Variants in ONECUT1 observed in about 807,000 individuals in gnomAD.
ONECUT1 encodes the protein hepatocyte nuclear factor 6.
A neutral mutation model predicts 25.6 loss-of-function variants in ONECUT1; 12 were observed. The observed-to-expected ratio is 0.47, with a 90% CI of 0.30 to 0.76. The LOEUF (loss-of-function observed/expected upper bound fraction) is 0.76. Ranked by LOEUF, ONECUT1 falls within the 30% of genes least tolerant of loss-of-function variation. ONECUT1 has a pLI of 0.07. For missense variants in ONECUT1, 620 were observed against 651.2 expected (o/e 0.95, Z 0.52); for synonymous variants, 285 against 270.2 (o/e 1.05, Z -0.54).
chr15:52,785,829 T>A (rs1469914398), intron 1 of ONECUT1: 4 of 152,280 alleles, frequency 2.6e-5, no homozygotes, highest in Non-Finnish European at 5.9e-5. Flanking sequence ...CCTGTCGCCC[T>A]TCTTCCACCA....
intron 1 of ONECUT1, among the ~76,000 whole-genome samples, chr15:52,769,486 A>G (rs1233022929): frequency 2.0e-5 from 3 of 152,188 alleles, no homozygotes; most frequent in Non-Finnish European, 2.9e-5. Flanking sequence ...AGATTTCTGA[A>G]ATGTTATATC....
intron 1 of ONECUT1, among the ~76,000 whole-genome samples, chr15:52,779,743 G>C (rs1330836252): frequency 6.6e-6 from 1 of 152,168 alleles, no homozygotes; most frequent in African/African-American, 2.4e-5. Flanking sequence ...CTCTGGGAAC[G>C]ATCTATGGAG....
chr15:52,772,789 G>A (rs1399672865), intron 1 of ONECUT1, among the ~76,000 whole-genome samples: 2 of 152,180 alleles, frequency 1.3e-5, no homozygotes, highest in African/African-American at 4.8e-5. Flanking sequence ...CCACACCCAT[G>A]CTGTGACAGG....
Position 52,790,153 on chromosome 15 carries a change from T to G in ONECUT1, c.-269A>C. ...CGGCTTTTTTTTTTTTAATATTAAT[T>G]TCCAAAGAGGATCCGCGCCGTTGGG... On this transcript the variant is annotated 5_prime_UTR_variant, in exon 1 of 2. Coordinates refer to ENST00000305901, the MANE Select transcript of ONECUT1 (RefSeq NM_004498.4). The G allele has an allele frequency of 2.7e-5, 11 of 404,390 alleles. No homozygotes were observed. Among genetic ancestry groups the G allele is most frequent in the East Asian group, 4.1e-5 (1 of 24,668 alleles). The allele number at this position is 404,390 out of a possible 1,614,324, so 25.1% of individuals were successfully genotyped here.
Position 52,788,783 on chromosome 15 carries a change from C to G in ONECUT1, c.1102G>C (p.Ala368Pro), listed in dbSNP as rs372517092. 1 of 1,608,786 alleles carries G rather than the reference C, an allele frequency of 6.2e-7. No individual in the cohort carries two copies. The highest frequency in any genetic ancestry group is 8.5e-7 in the Non-Finnish European group (1 of 1,176,986). Residue 368 changes from alanine (A) to proline (P), a missense_variant, in exon 1 of 2, where the codon GCA becomes CCA. Transcript: ENST00000305901. The surrounding 1 kb of genome is among the most constrained non-coding windows in gnomAD (Gnocchi z 4.3). ...EFQRMSALRL[A>P]ACKRKEQEHG... ...CCCAGCTCCTTGGCCGGCTCACCTG[C>G]TAAGCGGAGCGCGGACATGCGCTGG...
chr15:52,780,800 C>T lies in ONECUT1; in HGVS notation c.1105+7980G>A, dbSNP rs1377054085. The stretch of plus-strand genomic sequence containing the variant: ...AAGCACATAGTTTATTGCGTTCCTT[C>T]GATAACCTCTCTTTGGGACTATGAG... On this transcript the variant is annotated intron_variant, in intron 1 of 1. Transcript: ENST00000305901. 2.9e-6 allele frequency: 4 copies of T among 1,382,458 alleles called. No individual in the cohort carries two copies. In the African/African-American group the frequency reaches 4.4e-5, roughly 15 times the overall value. 85.6% of individuals were successfully genotyped at this position (1,382,458 alleles called of 1,614,324 possible).
chr15:52,769,782 A>G (rs1007821093), intron 1 of ONECUT1, among the ~76,000 whole-genome samples: 2 of 152,168 alleles, frequency 1.3e-5, no homozygotes, highest in Non-Finnish European at 2.9e-5. Flanking sequence ...TGAGTACCAG[A>G]GGGCAGAGGT....
rs1309303644 is a variant in ONECUT1, at chr15:52,777,729, C to CAAAAAAAAAAAAAAAAA, written c.1105+11050_1105+11051insTTTTTTTTTTTTTTTTT. On this transcript the variant is annotated intron_variant, in intron 1 of 1. Coordinates refer to ENST00000305901, the MANE Select transcript of ONECUT1 (RefSeq NM_004498.4). ...ACACACACACACACACACACACACA[C>CAAAAAAAAAAAAAAAAA]ACACACACAAAAAAACATGTAAAGT... Among the ~76,000 whole-genome samples, 61 of 87,308 alleles carry CAAAAAAAAAAAAAAAAA rather than the reference C, an allele frequency of 7.0e-4. 3 individuals carry two copies. Among genetic ancestry groups the CAAAAAAAAAAAAAAAAA allele is most frequent in the African/African-American group, 4.7e-3 (57 of 12,006 alleles). 57.3% of individuals were successfully genotyped at this position (87,308 alleles called of 152,430 possible). A position where few individuals can be genotyped will look rare whatever the true frequency, so the allele number is the denominator to read the frequency against.
At chr15:52,786,606 C>A (rs530383492) in intron 1 of ONECUT1, among the ~76,000 whole-genome samples, 34 of 152,376 alleles carry the variant, frequency 2.2e-4, no homozygotes, top group African/African-American at 7.2e-4. Context: ...ACCATGTTTG[C>A]GCCTCCAGCG....
In ONECUT1 at chr15:52,788,595, C is replaced by G. The variant is rs775702602; in HGVS notation, c.1105+185G>C. On this transcript the variant is annotated intron_variant, in intron 1 of 1. Transcript: ENST00000305901. This position sits in a 1 kb window ranked among gnomAD's most constrained non-coding sequence, Gnocchi z 4.3. ...CCTTCCACAGCCCAACACCCTGAGC[C>G]CTGGAGTAGGCAATTTGCTCCCACA... 1.5e-6 allele frequency: 1 copy of G among 649,096 alleles called. No homozygotes were observed. The highest frequency in any genetic ancestry group is 2.6e-6 in the Non-Finnish European group (1 of 384,826). The allele number at this position is 649,096 out of a possible 1,614,324, so 40.2% of individuals were successfully genotyped here.
chr15:52,785,055 A>G (rs1195272801), intron 1 of ONECUT1, among the ~76,000 whole-genome samples: 1 of 152,222 alleles, frequency 6.6e-6, no homozygotes, highest in Non-Finnish European at 1.5e-5. Flanking sequence ...TCTTGGACCC[A>G]GGAACGCTTC....
In ONECUT1 at chr15:52,789,899, G is replaced by A. The variant is rs1190025046; in HGVS notation, c.-15C>T. On this transcript the variant is annotated 5_prime_UTR_variant, in exon 1 of 2. Coordinates refer to ENST00000305901, the MANE Select transcript of ONECUT1 (RefSeq NM_004498.4). The surrounding 1 kb of genome is among the most constrained non-coding windows in gnomAD (Gnocchi z 4.1). ...TGCGCGTTCATCGTGATCCGGGCGA[G>A]CAGGCGGCGGACACAACATCGATGT... 3 of 1,514,672 alleles carry A rather than the reference G, an allele frequency of 2.0e-6. No homozygotes were observed. Among genetic ancestry groups the A allele is most frequent in the African/African-American group, 2.9e-5 (2 of 69,140 alleles). 93.8% of individuals were successfully genotyped at this position (1,514,672 alleles called of 1,614,324 possible).
At chr15:52,786,191 G>A (rs745369096) in intron 1 of ONECUT1, among the ~76,000 whole-genome samples, 4 of 152,194 alleles carry the variant, frequency 2.6e-5, no homozygotes, top group Admixed American at 6.5e-5. Flanking sequence ...GAGATCATTT[G>A]GAAAGTTCAG....
In ONECUT1 at chr15:52,790,131, C is replaced by CT. The variant is rs758392463; in HGVS notation, c.-248dup. 0.041 allele frequency: 15,253 copies of CT among 369,014 alleles called. No homozygotes were observed. The highest frequency in any genetic ancestry group is 0.059 in the Middle Eastern group (75 of 1,266). 22.9% of individuals were successfully genotyped at this position (369,014 alleles called of 1,614,324 possible). ...CCCACCTTCCCCTCTGCGTCCTCGG[C>CT]TTTTTTTTTTTTAATATTAATTTCC... On this transcript the variant is annotated 5_prime_UTR_variant, in exon 1 of 2. Coordinates refer to ENST00000305901, the MANE Select transcript of ONECUT1 (RefSeq NM_004498.4).
At chr15:52,777,754 T>C (rs2083813557) in intron 1 of ONECUT1, among the ~76,000 whole-genome samples, 1 of 120,370 alleles carries the variant, frequency 8.3e-6, no homozygotes, top group Non-Finnish European at 1.7e-5. Flanking sequence ...ACATGTAAAG[T>C]TATTTGTTCT....
intron 1 of ONECUT1, among the ~76,000 whole-genome samples, chr15:52,774,219 T>A (rs2083785523): frequency 6.6e-6 from 1 of 151,962 alleles, no homozygotes; most frequent in African/African-American, 2.4e-5. Context: ...TTTTCTTTAT[T>A]AGTGTTTTAC....
chr15:52,768,088 T>C (rs2083745531), intron 1 of ONECUT1, among the ~76,000 whole-genome samples: 1 of 152,094 alleles, frequency 6.6e-6, no homozygotes, highest in African/African-American at 2.4e-5. Flanking sequence ...GGTACAAAAA[T>C]ACAATTAGAT....
Position 52,790,105 on chromosome 15 carries a change from C to T in ONECUT1, c.-221G>A. 1 of 548,734 alleles carries T rather than the reference C, an allele frequency of 1.8e-6. No homozygotes were observed. The highest frequency in any genetic ancestry group is 2.7e-6 in the Non-Finnish European group (1 of 364,006). 34.0% of individuals were successfully genotyped at this position (548,734 alleles called of 1,614,324 possible). A position where few individuals can be genotyped will look rare whatever the true frequency, so the allele number is the denominator to read the frequency against. On this transcript the variant is annotated 5_prime_UTR_variant, in exon 1 of 2. Coordinates refer to ENST00000305901, the MANE Select transcript of ONECUT1 (RefSeq NM_004498.4). The stretch of plus-strand genomic sequence containing the variant: ...TGTGTGTCTCGCCTTCCCTCTTACC[C>T]CCCACCTTCCCCTCTGCGTCCTCGG...
intron 1 of ONECUT1, among the ~76,000 whole-genome samples, chr15:52,773,104 A>G (rs915232715): frequency 1.3e-5 from 2 of 152,174 alleles, no homozygotes; most frequent in Non-Finnish European, 2.9e-5. Context: ...AGAGAACTGC[A>G]AATGAATCTT....
Sources: gnomAD v4.1 joint callset for allele counts (sites outside exome capture counted in the v4.1 genomes callset) on GRCh38, gnomAD v4.1.1 for gene constraint, Gnocchi (gnomAD v3.1) non-coding constraint, MANE v1.5 for transcripts, NCBI Gene and HGNC (gene_info 2026-07-23, HGNC 2026-07-21) for gene names.